LRBA: variants seen among roughly 807,000 people sequenced by gnomAD.
LRBA encodes LPS responsive beige-like anchor protein, also known as lipopolysaccharide-responsive and beige-like anchor protein.
A neutral mutation model predicts 330.0 loss-of-function variants in LRBA; 176 were observed. That is an observed-to-expected ratio of 0.53 (90% CI 0.47 to 0.60). The LOEUF is 0.60. Among genes scored for constraint, LRBA ranks in the 20% least tolerant of loss-of-function variants. LRBA has a pLI of 0.00. For synonymous variants in LRBA, 1,230 were observed against 1,193.0 expected (o/e 1.03, Z -0.64); for missense variants, 3,259 against 3,444.8 (o/e 0.95, Z 1.35).
chr4:150,959,268 T>TA (rs1737877604), intron 2 of LRBA, among the ~76,000 whole-genome samples: 1 of 148,852 alleles, frequency 6.7e-6, no homozygotes, highest in Non-Finnish European at 1.5e-5. Context: ...TCGTGAGACT[T>TA]ATCCACTATC....
rs558232344 is a variant in LRBA, at chr4:150,789,422, G to A, written c.5580+8659C>T. 1.1e-3 allele frequency among the ~76,000 whole-genome samples: 160 copies of A among 152,238 alleles called. 1 individual carries two copies. The highest frequency in any genetic ancestry group is 3.0e-3 in the African/African-American group (125 of 41,528). On this transcript the variant is annotated intron_variant, in intron 34 of 56. Transcript: ENST00000651943. ...AATGTACAATAGATGGAATGTTTGT[G>A]CAATTACTCAAATAATCATTCCCTC...
chr4:150,325,165 A>G (rs1441407054), intron 49 of LRBA, among the ~76,000 whole-genome samples: 1 of 152,106 alleles, frequency 6.6e-6, no homozygotes, highest in Non-Finnish European at 1.5e-5. Flanking sequence ...TAGCTTCCTT[A>G]AGGATGAAAG....
intron 33 of LRBA, among the ~76,000 whole-genome samples, chr4:150,800,383 C>G (rs1741430397): frequency 6.6e-6 from 1 of 152,160 alleles, no homozygotes; most frequent in South Asian, 2.1e-4. Flanking sequence ...CTAAAGGACA[C>G]TGGTACTGTA....
chr4:150,835,899 T>C (rs1333217589), intron 28 of LRBA, among the ~76,000 whole-genome samples: 1 of 152,214 alleles, frequency 6.6e-6, no homozygotes, highest in African/African-American at 2.4e-5. Flanking sequence ...AGGGAATGCT[T>C]CCAGTTTTGC....
intron 53 of LRBA, among the ~76,000 whole-genome samples, chr4:150,301,849 G>C (rs1372718297): frequency 1.3e-5 from 2 of 152,144 alleles, no homozygotes; most frequent in Non-Finnish European, 2.9e-5. Flanking sequence ...ACCTTCTGAA[G>C]TAAAAATCTA....
At chr4:150,430,827 A>G (rs1256170454) in intron 46 of LRBA, among the ~76,000 whole-genome samples, 1 of 152,114 alleles carries the variant, frequency 6.6e-6, no homozygotes, top group Non-Finnish European at 1.5e-5. Context: ...ATGAACTGGG[A>G]TGACATTTAT....
rs753950457 is a variant in LRBA at position 150,828,922 on chromosome 4, G to GGTGTGTGTGTGT, written c.4730-313_4730-302dup. Among the ~76,000 whole-genome samples the GGTGTGTGTGTGT allele has an allele frequency of 7.6e-4, 81 of 106,236 alleles. 1 individual carries two copies. Among genetic ancestry groups the GGTGTGTGTGTGT allele is most frequent in the African/African-American group, 2.0e-3 (45 of 22,282 alleles). The allele number at this position is 106,236 out of a possible 152,430, so 69.7% of individuals were successfully genotyped here. A position where few individuals can be genotyped will look rare whatever the true frequency, so the allele number is the denominator to read the frequency against. On this transcript the variant is annotated intron_variant, in intron 29 of 56. Coordinates refer to ENST00000651943, the MANE Select transcript of LRBA (RefSeq NM_001364905.1). The stretch of plus-strand genomic sequence containing the variant: ...GAAAAAGTCTATAATCTTTTTTGGG[G>GGTGTGTGTGTGT]GTGTGTGTGTGTGTGTGTGTGTGTG...
rs79338565 is a variant in LRBA at position 150,665,998 on chromosome 4, A to G, written c.5921+17553T>C. ...GTACAAATTGCATAAAACCATTTAT[A>G]TAAAATTCTAGATAATGTAAGCTTA... On this transcript the variant is annotated intron_variant, in intron 37 of 56. Coordinates refer to ENST00000651943, the MANE Select transcript of LRBA (RefSeq NM_001364905.1). Among the ~76,000 whole-genome samples the G allele has an allele frequency of 1.9e-3, 284 of 152,348 alleles. 2 individuals carry two copies. The East Asian group carries it at 0.019, about 10-fold the overall frequency.
At chr4:150,951,235 G>C (rs985768854) in intron 2 of LRBA, among the ~76,000 whole-genome samples, 1 of 151,842 alleles carries the variant, frequency 6.6e-6, no homozygotes, top group African/African-American at 2.4e-5. Context: ...AGAAAATCCC[G>C]GATTAATTCC....
Position 150,831,924 on chromosome 4 carries a change from G to A in LRBA, c.4622C>T (p.Ser1541Phe). The change falls in exon 29 of 57, where the codon TCT becomes TTT. Residue 1541 changes from serine (S) to phenylalanine (F), a missense_variant. By Grantham distance (155) the Ser-to-Phe change is radical. Transcript: ENST00000651943. ...FLALAVVYFI[S>F]VLMVSKYRDI... ...TCTGTACTTGGAGACCATAAGAACA[G>A]AGATAAAGTATACTACTGCCAAGGC... 1.3e-6 allele frequency: 2 copies of A among 1,596,582 alleles called. No homozygotes were observed. The highest frequency in any genetic ancestry group is 1.7e-6 in the Non-Finnish European group (2 of 1,170,402).
At chr4:150,830,975 G>A (rs1044034161) in intron 29 of LRBA, among the ~76,000 whole-genome samples, 1 of 151,862 alleles carries the variant, frequency 6.6e-6, no homozygotes, top group Admixed American at 6.6e-5. Flanking sequence ...ATGTTGGCCA[G>A]GATGGTCTCC....
intron 40 of LRBA, among the ~76,000 whole-genome samples, chr4:150,528,671 T>C (rs1032325234): frequency 2.6e-5 from 4 of 152,086 alleles, no homozygotes; most frequent in African/African-American, 9.7e-5. Context: ...AGGTAGAGGA[T>C]TGATTTTAGG....
chr4:150,894,713 G>A (rs184316355), intron 16 of LRBA, among the ~76,000 whole-genome samples: 1 of 152,274 alleles, frequency 6.6e-6, no homozygotes, highest in African/African-American at 2.4e-5. Context: ...CATTGAAAGT[G>A]TTATTTAGAG....
chr4:150,745,499 A>G (rs1465150932), intron 35 of LRBA, among the ~76,000 whole-genome samples: 1 of 152,066 alleles, frequency 6.6e-6, no homozygotes, highest in African/African-American at 2.4e-5. Flanking sequence ...TAAAGAGAAA[A>G]AAACCTTTGT....
intron 36 of LRBA, among the ~76,000 whole-genome samples, chr4:150,696,032 C>T (rs963622897): frequency 9.2e-5 from 14 of 152,088 alleles, no homozygotes; most frequent in Admixed American, 3.3e-4. Context: ...GAGTTCAAAG[C>T]CAGCCTGGGC....
chr4:150,764,734 T>C (rs1735528221), intron 34 of LRBA, among the ~76,000 whole-genome samples: 1 of 151,974 alleles, frequency 6.6e-6, no homozygotes. Flanking sequence ...TAGACACCTA[T>C]AAGAATGGCC....
At chr4:150,869,177 C>A (rs1753116422) in intron 20 of LRBA, among the ~76,000 whole-genome samples, 1 of 151,736 alleles carries the variant, frequency 6.6e-6, no homozygotes, top group South Asian at 2.1e-4. Context: ...CCTTGGCGTC[C>A]CAAAGTGCTG....
chr4:150,724,318 G>A (rs918439555), intron 36 of LRBA, among the ~76,000 whole-genome samples: 1 of 152,166 alleles, frequency 6.6e-6, no homozygotes, highest in Non-Finnish European at 1.5e-5. Context: ...AAGAGCCTCT[G>A]GCTGGTAATC....
rs185094769 is a variant in LRBA at position 150,268,005 on chromosome 4, A to T, written c.8469-2193T>A. Among the ~76,000 whole-genome samples the T allele has an allele frequency of 2.2e-3, 335 of 150,840 alleles. 2 individuals carry two copies. Among genetic ancestry groups the T allele is most frequent in the Admixed American group, 5.1e-3 (76 of 14,980 alleles). On this transcript the variant is annotated intron_variant, in intron 56 of 56. Coordinates refer to ENST00000651943, the MANE Select transcript of LRBA (RefSeq NM_001364905.1). ...AACCTGGGAAGCAGAGGTTGCAGTGAGCTGAGATTGCACCATTGCACTCCA... is the reference window on the plus strand; with the variant it reads ...AACCTGGGAAGCAGAGGTTGCAGTGTGCTGAGATTGCACCATTGCACTCCA...
Sources: gnomAD v4.1 joint callset for allele counts (sites outside exome capture counted in the v4.1 genomes callset) on GRCh38, gnomAD v4.1.1 for gene constraint, MANE v1.5 for transcripts, NCBI Gene and HGNC (gene_info 2026-07-23, HGNC 2026-07-21) for gene names.